Variants in HSPE1 observed in about 807,000 individuals in gnomAD.
The protein encoded by HSPE1 is heat shock protein family E (Hsp10) member 1.
Under a neutral mutation model 13.2 loss-of-function variants are expected in HSPE1, and 1 was observed. The ratio of observed to expected loss-of-function variants is 0.08; its 90% CI spans 0.03 to 0.36. HSPE1 has a LOEUF of 0.36. Ranked by LOEUF, HSPE1 falls within the 10% of genes least tolerant of loss-of-function variation. HSPE1 has a pLI of 0.99. For synonymous variants in HSPE1, 44 were observed against 42.0 expected (o/e 1.05, Z -0.19); for missense variants, 73 against 118.7 (o/e 0.62, Z 1.79).
chr2:197,501,453 G>A, intron 2 of HSPE1: 1 of 530,228 alleles, frequency 1.9e-6, no homozygotes, highest in Non-Finnish European at 3.1e-6. Flanking sequence ...TTATGTGATA[G>A]TTTCAGAGTA....
chr2:197,502,382 G>C (rs12997477), intron 2 of HSPE1, among the ~76,000 whole-genome samples: 1 of 152,148 alleles, frequency 6.6e-6, no homozygotes, highest in East Asian at 1.9e-4. Flanking sequence ...TAATTGTTTA[G>C]GCCTCGGGCT....
chr2:197,501,823 T>C (rs1574609174), intron 2 of HSPE1, among the ~76,000 whole-genome samples: 2 of 150,718 alleles, frequency 1.3e-5, no homozygotes, highest in Admixed American at 6.6e-5. Context: ...GTGTGATCAG[T>C]GTTTGCCTTA....
At chr2:197,501,052 C>G (rs377415140) in intron 1 of HSPE1, 22 bp from the exon 2 acceptor site, 1 of 1,605,488 alleles carries the variant, frequency 6.2e-7, no homozygotes, top group South Asian at 1.1e-5. Context: ...GTTTTTGTTT[C>G]AAAACATTTC....
intron 2 of HSPE1, among the ~76,000 whole-genome samples, chr2:197,501,728 C>T (rs924493818): frequency 2.0e-5 from 3 of 149,864 alleles, no homozygotes; most frequent in Admixed American, 6.7e-5. Context: ...GCAAGGCGCC[C>T]CTGCATTCCA....
chr2:197,500,950 ATAAGC>A (rs1431242715), intron 1 of HSPE1, 119 bp from the exon 2 acceptor site: 1 of 1,132,576 alleles, frequency 8.8e-7, no homozygotes, highest in Non-Finnish European at 1.3e-6. Context: ...TCCTTAACGA[ATAAGC>A]TGAGGTTTGG....
rs764198783 is a variant in HSPE1 at position 197,503,065 on chromosome 2, G to T, written c.195G>T (p.Val65=). ...GTGGAGAGATTCAACCAGTTAGCGT[G>T]AAAGTTGGAGATAAAGTTCTTCTCC... ...GKGGEIQPVS[V]KVGDKVLLPE... The change falls in exon 3 of 4, where the codon GTG becomes GTT. Residue 65 remains valine (V), a synonymous_variant. Transcript: ENST00000233893. 11 of 1,606,100 alleles carry T rather than the reference G, an allele frequency of 6.8e-6. No homozygotes were observed. Among genetic ancestry groups the T allele is most frequent in the East Asian group, 2.2e-5 (1 of 44,794 alleles).
intron 1 of HSPE1, 188 bp from the exon 2 acceptor site, chr2:197,500,886 C>A (rs2086244235): frequency 1.4e-6 from 1 of 690,876 alleles, no homozygotes; most frequent in East Asian, 2.8e-5. Context: ...CCCTAACAGA[C>A]GTAAGGAATC....
intron 1 of HSPE1, chr2:197,500,812 C>A (rs997814686): frequency 8.5e-6 from 5 of 585,452 alleles, no homozygotes; most frequent in Non-Finnish European, 1.5e-5. Flanking sequence ...AACATTTGAC[C>A]TTGGAATAAA....
At chr2:197,501,336 A>G (rs2106085547) in intron 2 of HSPE1, 98 bp downstream of exon 2, 1 of 1,356,460 alleles carries the variant, frequency 7.4e-7, no homozygotes, top group Non-Finnish European at 9.9e-7. Flanking sequence ...AGTAGAGTTT[A>G]TGTCGTTTTC....
rs2106084199 is a variant in HSPE1, at chr2:197,500,388, T to C, written c.-49T>C. ...TCGCCAGGGCCGGACTGCGAGTCTC[T>C]TTGCGGCGCTACACTAGAGCAGAGT... On this transcript the variant is annotated 5_prime_UTR_variant, in exon 1 of 4. Coordinates refer to ENST00000233893, the MANE Select transcript of HSPE1 (RefSeq NM_002157.3). 1 of 1,589,054 alleles carries C rather than the reference T, an allele frequency of 6.3e-7. No individual in the cohort carries two copies. Among genetic ancestry groups the C allele is most frequent in the Non-Finnish European group, 8.6e-7 (1 of 1,168,478 alleles).
intron 1 of HSPE1, 156 bp downstream of exon 1, chr2:197,500,595 A>G: frequency 8.7e-7 from 1 of 1,152,562 alleles, no homozygotes; most frequent in Non-Finnish European, 1.3e-6. Context: ...GGCCCGCCCG[A>G]CCCTTTTCTC....
intron 2 of HSPE1, among the ~76,000 whole-genome samples, chr2:197,502,112 C>T (rs2086263786): frequency 6.6e-6 from 1 of 152,190 alleles, no homozygotes; most frequent in African/African-American, 2.4e-5. Context: ...TAATCTTAAC[C>T]AGTTGGTATA....
At chr2:197,502,481 G>A (rs1370999253) in intron 2 of HSPE1, among the ~76,000 whole-genome samples, 1 of 152,218 alleles carries the variant, frequency 6.6e-6, no homozygotes, top group East Asian at 1.9e-4. Context: ...GAGGAGGAAA[G>A]CTCTACTGAG....
In HSPE1 at chr2:197,503,089, C is replaced by T. The variant is rs140384586; in HGVS notation, c.219C>T (p.Leu73=). 34 of 1,609,178 alleles carry T rather than the reference C, an allele frequency of 2.1e-5. 1 individual carries two copies. The Admixed American group carries it at 5.7e-4, about 27-fold the overall frequency. The stretch of plus-strand genomic sequence containing the variant: ...TGAAAGTTGGAGATAAAGTTCTTCT[C>T]CCAGAATATGGAGGCACCAAAGTAG... ...VSVKVGDKVL[L]PEYGGTKVVL... Residue 73 remains leucine (L), a synonymous_variant, in exon 3 of 4, where the codon CTC becomes CTT. Transcript: ENST00000233893.
At chr2:197,500,497 A>T in intron 1 of HSPE1, 58 bp downstream of exon 1, 1 of 1,520,666 alleles carries the variant, frequency 6.6e-7, no homozygotes, top group Non-Finnish European at 9.0e-7. Context: ...GCGTACGGGG[A>T]TCCCTGACGC....
At chr2:197,501,376 G>T in intron 2 of HSPE1, 138 bp downstream of exon 2, 2 of 994,870 alleles carry the variant, frequency 2.0e-6, no homozygotes, top group South Asian at 1.9e-5. Flanking sequence ...GTTCTAATCT[G>T]TTTCTTAAAG....
intron 1 of HSPE1, chr2:197,500,816 G>T: frequency 1.7e-6 from 1 of 586,996 alleles, no homozygotes. Context: ...TTTGACCTTG[G>T]AATAAACTAA....
Position 197,501,258 on chromosome 2 carries a change from G to A in HSPE1, c.168+20G>A, listed in dbSNP as rs1361773204. 6.3e-7 allele frequency: 1 copy of A among 1,594,018 alleles called. No individual in the cohort carries two copies. On this transcript the variant is annotated intron_variant, in intron 2 of 3. Coordinates refer to ENST00000233893, the MANE Select transcript of HSPE1 (RefSeq NM_002157.3). ...GGAAAGGTAAATGGGAGCTGCAGTG[G>A]AACTATTTTTTATAGTGTGCAGTGG... is the stretch of plus-strand genomic sequence containing the variant.
chr2:197,500,886 C>T, intron 1 of HSPE1, 188 bp from the exon 2 acceptor site: 1 of 690,876 alleles, frequency 1.4e-6, no homozygotes, highest in South Asian at 2.1e-5. Context: ...CCCTAACAGA[C>T]GTAAGGAATC....
Sources: allele counts gnomAD v4.1 joint callset (sites outside exome capture counted in the v4.1 genomes callset), GRCh38; gene constraint gnomAD v4.1.1; transcripts MANE v1.5; gene names NCBI Gene and HGNC (gene_info 2026-07-23, HGNC 2026-07-21).